The following BCAT1 variants were observed in gnomAD, a reference collection of about 807,000 sequenced individuals.
BCAT1 encodes the protein branched-chain-amino-acid aminotransferase, cytosolic.
BCAT1 carries 48 observed loss-of-function variants against 52.4 expected under a neutral mutation model. The observed-to-expected ratio is 0.92, with a 90% CI of 0.73 to 1.16. The LOEUF (loss-of-function observed/expected upper bound fraction) is 1.16, where lower values mean the gene tolerates loss of function less well. Among genes scored for constraint, BCAT1 ranks in the 50% most tolerant of loss-of-function variants. The pLI is 0.00. For synonymous variants in BCAT1, 167 were observed against 161.3 expected (o/e 1.04, Z -0.27); for missense variants, 451 against 457.1 (o/e 0.99, Z 0.12).
chr12:24,904,008 A>G (rs1943181489), intron 1 of BCAT1: 1 of 152,208 alleles, frequency 6.6e-6, no homozygotes, highest in Non-Finnish European at 1.5e-5. Context: ...ATACAACGCT[A>G]CTGATAATAT....
chr12:24,820,458 G>C (rs1940067442), intron 10 of BCAT1, among the ~76,000 whole-genome samples: 1 of 152,134 alleles, frequency 6.6e-6, no homozygotes, highest in South Asian at 2.1e-4. Flanking sequence ...GAGTAAGTAA[G>C]TATACATAGA....
At chr12:24,863,930 C>CA (rs113367318) in intron 5 of BCAT1, among the ~76,000 whole-genome samples, 170 of 136,684 alleles carry the variant, frequency 1.2e-3, no homozygotes, top group South Asian at 9.4e-3. Context: ...GACCTTGTCT[C>CA]AAAAAAAAAA....
chr12:24,932,893 C>T (rs1024093867), intron 1 of BCAT1, among the ~76,000 whole-genome samples: 13 of 152,244 alleles, frequency 8.5e-5, no homozygotes, highest in African/African-American at 3.1e-4. Context: ...CTCACTGCAA[C>T]TTCTGCCTCC....
At chr12:24,889,319 A>G (rs1289767614) in intron 3 of BCAT1, among the ~76,000 whole-genome samples, 2 of 152,206 alleles carry the variant, frequency 1.3e-5, no homozygotes, top group African/African-American at 4.8e-5. Flanking sequence ...GAAATCTTAG[A>G]ACCCAATTTG....
At chr12:24,881,740 T>TA (rs1942504805) in intron 3 of BCAT1, among the ~76,000 whole-genome samples, 1 of 152,204 alleles carries the variant, frequency 6.6e-6, no homozygotes, top group Admixed American at 6.5e-5. Flanking sequence ...CAGCACAGGT[T>TA]AATTCCCTAG....
At chr12:24,925,233 G>T (rs566947899) in intron 1 of BCAT1, among the ~76,000 whole-genome samples, 6 of 152,298 alleles carry the variant, frequency 3.9e-5, no homozygotes, top group African/African-American at 1.4e-4. Flanking sequence ...TCCTGAAGAA[G>T]GAATTTGGCC....
chr12:24,943,788 T>G (rs990235307), intron 1 of BCAT1, among the ~76,000 whole-genome samples: 2 of 151,760 alleles, frequency 1.3e-5, no homozygotes, highest in South Asian at 2.1e-4. Flanking sequence ...ATCAAGACCT[T>G]CCTGGCTAAC....
chr12:24,823,438 A>G (rs922513237), intron 10 of BCAT1, among the ~76,000 whole-genome samples: 1 of 152,152 alleles, frequency 6.6e-6, no homozygotes, highest in South Asian at 2.1e-4. Flanking sequence ...TAGCCCCTGC[A>G]TATGGCTTGC....
intron 6 of BCAT1, among the ~76,000 whole-genome samples, chr12:24,845,306 A>G (rs1941312265): frequency 6.6e-6 from 1 of 152,162 alleles, no homozygotes; most frequent in South Asian, 2.1e-4. Context: ...GTCAATGTGG[A>G]GATGAAGCAA....
At chr12:24,847,399 A>G (rs935795432) in intron 6 of BCAT1, among the ~76,000 whole-genome samples, 2 of 152,206 alleles carry the variant, frequency 1.3e-5, no homozygotes, top group African/African-American at 4.8e-5. Context: ...AGTTTTCATT[A>G]GTGTTCATTC....
intron 3 of BCAT1, among the ~76,000 whole-genome samples, chr12:24,884,281 T>G (rs1215460838): frequency 6.6e-6 from 1 of 152,178 alleles, no homozygotes; most frequent in Admixed American, 6.5e-5. Flanking sequence ...CACTCATATG[T>G]GGACTGAAAA....
At chr12:24,926,446 C>T (rs1216731166) in intron 1 of BCAT1, among the ~76,000 whole-genome samples, 1 of 152,232 alleles carries the variant, frequency 6.6e-6, no homozygotes, top group African/African-American at 2.4e-5. Context: ...GCCGCCACCC[C>T]GTCTGGGAGG....
At position 24,815,401 on chromosome 12, in the gene BCAT1, T is replaced by C. The variant is rs943913234; in HGVS notation, c.*2607A>G. On this transcript the variant is annotated 3_prime_UTR_variant, in exon 11 of 11. Transcript: ENST00000261192. Reference sequence around the variant, plus strand: ...AGCAACAATATTAATTTGTTGATCTTTTTGAGCAGATTAGCTTCACATGTT... The same window carrying C: ...AGCAACAATATTAATTTGTTGATCTCTTTGAGCAGATTAGCTTCACATGTT... 2.0e-5 allele frequency: 3 copies of C among 152,662 alleles called. No individual in the cohort carries two copies. Among genetic ancestry groups the C allele is most frequent in the African/African-American group, 7.2e-5 (3 of 41,464 alleles). The allele number at this position is 152,662 out of a possible 1,614,324, so 9.5% of individuals were successfully genotyped here. A position where few individuals can be genotyped will look rare whatever the true frequency, so the allele number is the denominator to read the frequency against.
At chr12:24,921,718 C>T (rs1476434832) in intron 1 of BCAT1, among the ~76,000 whole-genome samples, 1 of 152,170 alleles carries the variant, frequency 6.6e-6, no homozygotes, top group African/African-American at 2.4e-5. Flanking sequence ...GTTGTAGAGG[C>T]AGTGAATATT....
At chr12:24,827,366 C>A (rs1940448078) in intron 10 of BCAT1, among the ~76,000 whole-genome samples, 1 of 152,126 alleles carries the variant, frequency 6.6e-6, no homozygotes, top group Admixed American at 6.5e-5. Flanking sequence ...TTGCTGTGTA[C>A]AAAGGTAGAA....
Position 24,813,006 on chromosome 12 carries a change from C to T in BCAT1, c.*5002G>A, listed in dbSNP as rs1369545451. On this transcript the variant is annotated 3_prime_UTR_variant, in exon 11 of 11. Coordinates refer to ENST00000261192, the MANE Select transcript of BCAT1 (RefSeq NM_005504.7). ...AATAAGATGACTTAAAACTTCAATA[C>T]TTGTATCCAGCAGATTTGAAAGGGC... The T allele has an allele frequency of 1.3e-5, 2 of 151,972 alleles. No individual in the cohort carries two copies. Among genetic ancestry groups the T allele is most frequent in the Non-Finnish European group, 2.9e-5 (2 of 67,890 alleles). 9.4% of individuals were successfully genotyped at this position (151,972 alleles called of 1,614,324 possible).
At chr12:24,829,044 T>TAAAC (rs1253183994) in intron 10 of BCAT1, among the ~76,000 whole-genome samples, 2 of 80,430 alleles carry the variant, frequency 2.5e-5, no homozygotes, top group Admixed American at 1.3e-4. Context: ...AATAAATAAA[T>TAAAC]AAATAAATAA....
chr12:24,841,712 G>C (rs1475181123), intron 7 of BCAT1, among the ~76,000 whole-genome samples: 1 of 152,016 alleles, frequency 6.6e-6, no homozygotes, highest in Non-Finnish European at 1.5e-5. Context: ...AGACCAGCCT[G>C]ACCAACATGG....
At chr12:24,931,388 G>T (rs974354130) in intron 1 of BCAT1, among the ~76,000 whole-genome samples, 2 of 152,062 alleles carry the variant, frequency 1.3e-5, no homozygotes, top group Admixed American at 6.6e-5. Context: ...ACAAATAGAA[G>T]TTTAAGAATG....
Sources: gnomAD v4.1 joint callset for allele counts (sites outside exome capture counted in the v4.1 genomes callset) on GRCh38, gnomAD v4.1.1 for gene constraint, MANE v1.5 for transcripts, NCBI Gene and HGNC (gene_info 2026-07-23, HGNC 2026-07-21) for gene names.